Variants in GMDS observed in about 807,000 individuals in gnomAD.
The protein encoded by GMDS is GDP-mannose 4,6 dehydratase.
GMDS carries 20 observed loss-of-function variants against 49.9 expected under a neutral mutation model. That is an observed-to-expected ratio of 0.40 (90% CI 0.28 to 0.58). The LOEUF (loss-of-function observed/expected upper bound fraction) is 0.58, where lower values mean the gene tolerates loss of function less well. GMDS is among the 20% of genes least tolerant of loss of function. The pLI is 0.42. For missense variants in GMDS, 362 were observed against 481.4 expected (o/e 0.75, Z 2.32); for synonymous variants, 177 against 178.6 (o/e 0.99, Z 0.07).
chr6:2,188,381 C>T (rs1778870066), intron 1 of GMDS, among the ~76,000 whole-genome samples: 1 of 152,140 alleles, frequency 6.6e-6, no homozygotes, highest in African/African-American at 2.4e-5. Flanking sequence ...TTTTAGTCTC[C>T]CCAGCTGCCT....
At chr6:1,747,822 TGAAACCAAAGTCTGGCC>T (rs1767570043) in intron 7 of GMDS, among the ~76,000 whole-genome samples, 1 of 152,154 alleles carries the variant, frequency 6.6e-6, no homozygotes, top group Non-Finnish European at 1.5e-5. Flanking sequence ...ACAAACAGTG[TGAAACCAAAGTCTGGCC>T]TTATGGCTAT....
At chr6:1,905,712 C>T (rs1049816990) in intron 7 of GMDS, among the ~76,000 whole-genome samples, 2 of 141,254 alleles carry the variant, frequency 1.4e-5, no homozygotes, top group Admixed American at 6.9e-5. Flanking sequence ...GCATGTGGGG[C>T]CAGCACATAG....
intron 6 of GMDS, among the ~76,000 whole-genome samples, chr6:1,957,391 T>A (rs917823262): frequency 1.3e-5 from 2 of 152,342 alleles, no homozygotes; most frequent in South Asian, 2.1e-4. Context: ...AACATTACTG[T>A]CAGATTAATT....
At chr6:2,202,374 C>T (rs1262205414) in intron 1 of GMDS, among the ~76,000 whole-genome samples, 1 of 151,450 alleles carries the variant, frequency 6.6e-6, no homozygotes, top group African/African-American at 2.4e-5. Flanking sequence ...GTGAGGGCAG[C>T]ATGTCCTCAC....
At chr6:1,986,829 C>G (rs1224073079) in intron 4 of GMDS, among the ~76,000 whole-genome samples, 7 of 152,054 alleles carry the variant, frequency 4.6e-5, no homozygotes, top group Admixed American at 6.5e-5. Context: ...GCCCATTATT[C>G]AAAATTTTTT....
intron 7 of GMDS, among the ~76,000 whole-genome samples, chr6:1,865,841 C>T (rs1394582813): frequency 1.3e-5 from 2 of 151,996 alleles, no homozygotes; most frequent in Non-Finnish European, 2.9e-5. Context: ...CCACAGGCTC[C>T]GTGCACAGCC....
intron 7 of GMDS, among the ~76,000 whole-genome samples, chr6:1,756,798 C>T (rs1274981684): frequency 2.6e-5 from 4 of 152,306 alleles, no homozygotes; most frequent in East Asian, 1.9e-4. Context: ...TTAGTCTAGA[C>T]GATGCTTCTT....
chr6:2,037,792 G>T (rs1187596158), intron 4 of GMDS, among the ~76,000 whole-genome samples: 1 of 152,118 alleles, frequency 6.6e-6, no homozygotes, highest in Non-Finnish European at 1.5e-5. Context: ...GGTCTCAAAG[G>T]TGTTGGCAAC....
intron 7 of GMDS, among the ~76,000 whole-genome samples, chr6:1,793,428 G>A (rs1769616922): frequency 6.6e-6 from 1 of 152,110 alleles, no homozygotes; most frequent in African/African-American, 2.4e-5. Flanking sequence ...CCTGAACCAG[G>A]GTGGGAAACC....
intron 9 of GMDS, among the ~76,000 whole-genome samples, chr6:1,694,593 G>A (rs1228206819): frequency 2.6e-5 from 4 of 152,058 alleles, no homozygotes; most frequent in African/African-American, 9.7e-5. Context: ...AAGCCCATGT[G>A]TGTATACACA....
At chr6:1,840,795 G>T (rs6920017) in intron 7 of GMDS, among the ~76,000 whole-genome samples, 2 of 152,134 alleles carry the variant, frequency 1.3e-5, no homozygotes, top group East Asian at 3.9e-4. Flanking sequence ...GGAAAAATTT[G>T]TAGAATAGCC....
chr6:1,677,802 G>A (rs1219247745), intron 9 of GMDS, among the ~76,000 whole-genome samples: 2 of 108,686 alleles, frequency 1.8e-5, no homozygotes, highest in African/African-American at 7.1e-5. Context: ...GTCGTGGGGT[G>A]GGGGGAGGGG....
At chr6:2,229,673 T>A (rs1365270894) in intron 1 of GMDS, among the ~76,000 whole-genome samples, 1 of 152,212 alleles carries the variant, frequency 6.6e-6, no homozygotes. Flanking sequence ...CAGATTTATC[T>A]TAATTCCAAG....
chr6:2,130,429 A>C (rs567399233), intron 1 of GMDS, among the ~76,000 whole-genome samples: 1 of 152,226 alleles, frequency 6.6e-6, no homozygotes, highest in East Asian at 1.9e-4. Flanking sequence ...ATAATGAAGA[A>C]TCGTTTATGT....
chr6:1,887,066 C>T (rs925343473), intron 7 of GMDS, among the ~76,000 whole-genome samples: 3 of 152,162 alleles, frequency 2.0e-5, no homozygotes, highest in Admixed American at 6.5e-5. Context: ...AGAAAACAGA[C>T]ATGTAGAGAG....
intron 7 of GMDS, among the ~76,000 whole-genome samples, chr6:1,769,978 G>A (rs1237839406): frequency 6.6e-6 from 1 of 152,118 alleles, no homozygotes; most frequent in Admixed American, 6.5e-5. Flanking sequence ...CACCCGCCTC[G>A]GCCTCCCCGA....
At chr6:1,948,431 C>T (rs1259162622) in intron 6 of GMDS, among the ~76,000 whole-genome samples, 1 of 152,048 alleles carries the variant, frequency 6.6e-6, no homozygotes, top group Non-Finnish European at 1.5e-5. Flanking sequence ...ATTGACACAA[C>T]CATATACATT....
rs2113736567 is a variant in GMDS, at chr6:1,836,160, C to A, written c.772-93574G>T. Among the ~76,000 whole-genome samples, 1 of 152,320 alleles carries A rather than the reference C, an allele frequency of 6.6e-6. No individual in the cohort carries two copies. Among genetic ancestry groups the A allele is most frequent in the Non-Finnish European group, 1.5e-5 (1 of 68,036 alleles). The stretch of plus-strand genomic sequence containing the variant: ...GGGATTACAGGCCTGAGCCACCGTG[C>A]CTGGCCTCGTTTGCTTTATTTTTTA... On this transcript the variant is annotated intron_variant, in intron 7 of 10. Coordinates refer to ENST00000380815, the MANE Select transcript of GMDS (RefSeq NM_001500.4). This position sits in a 1 kb window ranked among gnomAD's most constrained non-coding sequence, Gnocchi z 4.2.
chr6:1,938,324 T>C (rs1337220845), intron 6 of GMDS, among the ~76,000 whole-genome samples: 2 of 152,228 alleles, frequency 1.3e-5, no homozygotes, highest in Non-Finnish European at 2.9e-5. Context: ...TTTGTCATCA[T>C]TCTTTCTTGC....
Sources: allele counts gnomAD v4.1 joint callset (sites outside exome capture counted in the v4.1 genomes callset), GRCh38; gene constraint gnomAD v4.1.1; non-coding constraint Gnocchi (gnomAD v3.1); transcripts MANE v1.5; gene names NCBI Gene and HGNC (gene_info 2026-07-23, HGNC 2026-07-21).